Variants in CDCA4 observed in about 807,000 individuals in gnomAD.
CDCA4 encodes the protein cell division cycle-associated protein 4.
For synonymous variants in CDCA4, 130 were observed against 137.0 expected (o/e 0.95, Z 0.36); for missense variants, 294 against 322.1 (o/e 0.91, Z 0.67).
intron 1 of CDCA4, among the ~76,000 whole-genome samples, chr14:105,012,401 G>C (rs1304107538): frequency 6.6e-6 from 1 of 152,168 alleles, no homozygotes; most frequent in Non-Finnish European, 1.5e-5. Flanking sequence ...GACAGGGCCG[G>C]GCACACACAC....
intron 1 of CDCA4, among the ~76,000 whole-genome samples, chr14:105,016,286 G>A (rs924488337): frequency 8.5e-5 from 13 of 152,152 alleles, no homozygotes; most frequent in Admixed American, 2.6e-4. Flanking sequence ...CTTTCCAGTC[G>A]TTTCTCCCAG....
chr14:105,011,600 C>A lies in CDCA4; in HGVS notation c.330G>T (p.Gly110=). The A allele has an allele frequency of 6.2e-7, 1 of 1,613,924 alleles. No homozygotes were observed. Among genetic ancestry groups the A allele is most frequent in the Non-Finnish European group, 8.5e-7 (1 of 1,180,032 alleles). The change falls in exon 2 of 2, where the codon GGG becomes GGT. Residue 110 remains glycine, a synonymous_variant. Transcript: ENST00000336219. ...ILCRAAWGQE[G]AHPAPGLGDG... ...CCCCCAAGCCAGGAGCAGGATGTGC[C>A]CCCTCTTGCCCCCACGCTGCACGGC...
intron 1 of CDCA4, among the ~76,000 whole-genome samples, chr14:105,014,500 G>GGGT (rs1421051216): frequency 1.3e-5 from 2 of 152,058 alleles, no homozygotes; most frequent in African/African-American, 4.8e-5. Context: ...CCTCAGGCTG[G>GGGT]GCACCGCCTC....
rs1900500951 is a variant in CDCA4 at position 105,011,513 on chromosome 14, C to A, written c.417G>T (p.Arg139Ser). The stretch of plus-strand genomic sequence containing the variant: ...TCTCCCAGGCGCTGCTCTGCAGGTG[C>A]CTTGGTGCCTGTGCTGAGGTGACTG... ...LCPVTSAQAP[R>S]HLQSSAWEMD... The change falls in exon 2 of 2, where the codon AGG becomes AGT. Residue 139 changes from arginine to serine, a missense_variant. Arg to Ser is a moderately radical substitution (Grantham distance 110). Coordinates refer to ENST00000336219, the MANE Select transcript of CDCA4 (RefSeq NM_017955.4). 3 of 1,614,218 alleles carry A rather than the reference C, an allele frequency of 1.9e-6. No homozygotes were observed. The highest frequency in any genetic ancestry group is 2.2e-5 in the East Asian group (1 of 44,886).
At position 105,011,649 on chromosome 14, in the gene CDCA4, C is replaced by T. The variant is rs368728169; in HGVS notation, c.281G>A (p.Arg94His). 8.5e-5 allele frequency: 137 copies of T among 1,613,576 alleles called. No homozygotes were observed. Among genetic ancestry groups the T allele is most frequent in the Non-Finnish European group, 7.2e-5 (85 of 1,180,028 alleles). Residue 94 changes from arginine to histidine, a missense_variant, in exon 2 of 2, where the codon CGC (arginine) becomes CAC (histidine). Physicochemically the swap from Arg to His is conservative, Grantham distance 29. Coordinates refer to ENST00000336219, the MANE Select transcript of CDCA4 (RefSeq NM_017955.4). Reference protein sequence around the residue: ...PQAAERAPLDRLVSTEILCRA... With the variant: ...PQAAERAPLDHLVSTEILCRA... ...GCACAGGATCTCCGTGGAGACCAAG[C>T]GGTCGAGCGGCGCCCGCTCTGCAGC... is the stretch of plus-strand genomic sequence containing the variant.
intron 1 of CDCA4, among the ~76,000 whole-genome samples, chr14:105,013,802 TA>T (rs1900569871): frequency 6.6e-6 from 1 of 152,172 alleles, no homozygotes; most frequent in African/African-American, 2.4e-5. Flanking sequence ...ATGTAAATTT[TA>T]AAAAACTAAG....
At chr14:105,018,518 G>A (rs1566940045) in intron 1 of CDCA4, among the ~76,000 whole-genome samples, 1 of 152,148 alleles carries the variant, frequency 6.6e-6, no homozygotes, top group Non-Finnish European at 1.5e-5. Flanking sequence ...CGGAGAAGCT[G>A]GCCTGTGAGG....
At chr14:105,012,445 G>A (rs1052422983) in intron 1 of CDCA4, among the ~76,000 whole-genome samples, 3 of 152,194 alleles carry the variant, frequency 2.0e-5, no homozygotes, top group African/African-American at 2.4e-5. Context: ...ATCCTGCCTC[G>A]GACAAAGTCA....
intron 1 of CDCA4, among the ~76,000 whole-genome samples, chr14:105,012,284 ATC>A (rs1566938390): frequency 6.6e-6 from 1 of 152,276 alleles, no homozygotes; most frequent in African/African-American, 2.4e-5. Flanking sequence ...TTGGCTGAAA[ATC>A]TGTTTCAAAA....
chr14:105,019,512 A>C (rs11848041), intron 1 of CDCA4, among the ~76,000 whole-genome samples: 4 of 152,114 alleles, frequency 2.6e-5, no homozygotes, highest in Non-Finnish European at 4.4e-5. Flanking sequence ...CAGCCACTTC[A>C]AAGTTTCGGG....
rs942567754 is a variant in CDCA4, at chr14:105,009,738, C to T, written c.*1466G>A. On this transcript the variant is annotated 3_prime_UTR_variant, in exon 2 of 2. Transcript: ENST00000336219. Reference sequence around the variant, plus strand: ...GTGGACACCCCCAACTCCAGCCGGGCGCTGAACAATGTAAAAAGAATTTGC... The same window carrying T: ...GTGGACACCCCCAACTCCAGCCGGGTGCTGAACAATGTAAAAAGAATTTGC... 39 of 152,112 alleles carry T rather than the reference C, an allele frequency of 2.6e-4. 1 individual carries two copies. The highest frequency in any genetic ancestry group is 1.7e-3 in the Admixed American group (26 of 15,262). 9.4% of individuals were successfully genotyped at this position (152,112 alleles called of 1,614,324 possible). A position where few individuals can be genotyped will look rare whatever the true frequency, so the allele number is the denominator to read the frequency against.
chr14:105,015,864 G>T (rs983887622), intron 1 of CDCA4, among the ~76,000 whole-genome samples: 1 of 152,130 alleles, frequency 6.6e-6, no homozygotes, highest in Non-Finnish European at 1.5e-5. Flanking sequence ...TTACCATGTT[G>T]GTCAGGCTGG....
intron 1 of CDCA4, among the ~76,000 whole-genome samples, chr14:105,015,070 C>T (rs1900608712): frequency 6.6e-6 from 1 of 152,216 alleles, no homozygotes; most frequent in Non-Finnish European, 1.5e-5. Flanking sequence ...CAAGAAGACC[C>T]ACAACCACAC....
In CDCA4 at chr14:105,011,453, G is replaced by A. The variant is rs141064003; in HGVS notation, c.477C>T (p.His159=). Residue 159 remains histidine (H), a synonymous_variant, in exon 2 of 2, where the codon CAC becomes CAT. Transcript: ENST00000336219. ...DGPRENRGSF[H]KSLDQIFETL... ...TTTCAAATATCTGATCAAGTGACTT[G>A]TGAAAGCTTCCTCTGTTTTCTCGAG... 5.3e-5 allele frequency: 86 copies of A among 1,614,104 alleles called. No individual in the cohort carries two copies. The African/African-American group carries it at 9.1e-4, about 17-fold the overall frequency.
At position 105,011,016 on chromosome 14, in the gene CDCA4, C is replaced by T; in HGVS notation, c.*188G>A. 1 of 688,606 alleles carries T rather than the reference C, an allele frequency of 1.5e-6. No homozygotes were observed. The highest frequency in any genetic ancestry group is 2.4e-6 in the Non-Finnish European group (1 of 421,534). The allele number at this position is 688,606 out of a possible 1,614,324, so 42.7% of individuals were successfully genotyped here. ...CCAGAACAGCCTCTGCCTGGCGCTC[C>T]ACAGGGGGGAGGTGAGTGGGACGGG... On this transcript the variant is annotated 3_prime_UTR_variant, in exon 2 of 2. Coordinates refer to ENST00000336219, the MANE Select transcript of CDCA4 (RefSeq NM_017955.4).
At chr14:105,017,264 G>A (rs950979735) in intron 1 of CDCA4, among the ~76,000 whole-genome samples, 1 of 151,904 alleles carries the variant, frequency 6.6e-6, no homozygotes, top group African/African-American at 2.4e-5. Flanking sequence ...CCAGGCTGGA[G>A]TGCAGTGGTG....
intron 1 of CDCA4, among the ~76,000 whole-genome samples, chr14:105,016,174 A>T (rs891283839): frequency 3.3e-5 from 5 of 152,228 alleles, no homozygotes; most frequent in African/African-American, 1.2e-4. Flanking sequence ...TTATTTCCAC[A>T]GCTCACCATA....
At chr14:105,018,773 GT>G (rs1886150269) in intron 1 of CDCA4, among the ~76,000 whole-genome samples, 1 of 147,910 alleles carries the variant, frequency 6.8e-6, no homozygotes, top group Non-Finnish European at 1.5e-5. Context: ...GTCTCATTCT[GT>G]CCCCCAGGCT....
chr14:105,014,894 T>A (rs1900602862), intron 1 of CDCA4, among the ~76,000 whole-genome samples: 1 of 152,198 alleles, frequency 6.6e-6, no homozygotes, highest in Admixed American at 6.5e-5. Context: ...TTGAACAGCA[T>A]GCATTAAGCC....
Sources: gnomAD v4.1 joint callset for allele counts (sites outside exome capture counted in the v4.1 genomes callset) on GRCh38, gnomAD v4.1.1 for gene constraint, MANE v1.5 for transcripts, NCBI Gene and HGNC (gene_info 2026-07-23, HGNC 2026-07-21) for gene names.